Variants in FRYL observed in about 807,000 individuals in gnomAD.
FRYL encodes the protein protein furry homolog-like.
FRYL carries 150 observed loss-of-function variants against 351.2 expected under a neutral mutation model. The observed-to-expected ratio is 0.43, with a 90% CI of 0.37 to 0.49. The LOEUF is 0.49. Ranked by LOEUF, FRYL falls within the 20% of genes least tolerant of loss-of-function variation. FRYL has a pLI of 0.00. For missense variants in FRYL, 3,036 were observed against 3,619.3 expected, an observed-to-expected ratio of 0.84 and a Z score of 4.13; for synonymous variants, 1,153 against 1,257.1, an observed-to-expected ratio of 0.92 and a Z score of 1.75.
chr4:48,761,933 T>TA (rs1774461400), intron 1 of FRYL, among the ~76,000 whole-genome samples: 1 of 152,160 alleles, frequency 6.6e-6, no homozygotes, highest in African/African-American at 2.4e-5. Context: ...GCTACATCTC[T>TA]ACCCAAAGTG....
intron 53 of FRYL, among the ~76,000 whole-genome samples, chr4:48,524,587 T>C (rs1218941581): frequency 6.6e-6 from 1 of 152,170 alleles, no homozygotes; most frequent in Non-Finnish European, 1.5e-5. Context: ...CAAGACTATA[T>C]CCAGGTTTTA....
chr4:48,761,050 T>C (rs1774371930), intron 1 of FRYL, among the ~76,000 whole-genome samples: 1 of 145,404 alleles, frequency 6.9e-6, no homozygotes, highest in Non-Finnish European at 1.5e-5. Context: ...TGTGTGTGTG[T>C]TGAAGAGGAA....
chr4:48,560,500 T>C (rs1481393307), intron 33 of FRYL, among the ~76,000 whole-genome samples: 4 of 152,128 alleles, frequency 2.6e-5, no homozygotes, highest in African/African-American at 9.7e-5. Flanking sequence ...TCCTAGGCGA[T>C]GACATGACAT....
In FRYL at chr4:48,540,927, C is replaced by T; in HGVS notation, c.5721G>A (p.Lys1907=). 4 of 1,605,728 alleles carry T rather than the reference C, an allele frequency of 2.5e-6. No homozygotes were observed. Among genetic ancestry groups the T allele is most frequent in the Admixed American group, 3.4e-5 (2 of 59,610 alleles). Residue 1907 remains lysine (K), a synonymous_variant, in exon 46 of 64, where the codon AAG becomes AAA. Transcript: ENST00000358350. ...TSYHDPIMGN[K]YAANRKSTGQ... ...CAGTGCTTTTCCTGTTAGCTGCATA[C>T]TTGTTTCCCATTATAGGATCATGAT...
At chr4:48,568,812 G>T (rs917372941) in intron 27 of FRYL, among the ~76,000 whole-genome samples, 1 of 152,052 alleles carries the variant, frequency 6.6e-6, no homozygotes, top group African/African-American at 2.4e-5. Context: ...TAGTGGATAG[G>T]AAACTGATTT....
At chr4:48,570,766 A>G (rs1235711350) in intron 27 of FRYL, 61 bp downstream of exon 27, 11 of 1,243,208 alleles carry the variant, frequency 8.8e-6, no homozygotes, top group Non-Finnish European at 1.3e-5. Flanking sequence ...TTCATGAGCG[A>G]AAAGAGATTA....
At chr4:48,734,206 G>A (rs1299025255) in intron 1 of FRYL, among the ~76,000 whole-genome samples, 1 of 152,026 alleles carries the variant, frequency 6.6e-6, no homozygotes, top group Non-Finnish European at 1.5e-5. Context: ...AAAAGTAAAT[G>A]GATAAAGAAA....
chr4:48,663,771 T>C (rs1761241846), intron 3 of FRYL, among the ~76,000 whole-genome samples: 1 of 27,190 alleles, frequency 3.7e-5, no homozygotes, highest in South Asian at 1.7e-3. Context: ...CGAGACTCCG[T>C]CTCAAAAAAA....
rs115727788 is a variant in FRYL, at chr4:48,699,386, A to G, written c.-204+11133T>C. ...TATCAAAAGTAAAAAATAGTGGGGG[A>G]TGGGAAAGAGATCATACTGTGACCA... On this transcript the variant is annotated intron_variant, in intron 2 of 63. Coordinates refer to ENST00000358350, the MANE Select transcript of FRYL (RefSeq NM_015030.2). Among the ~76,000 whole-genome samples the G allele has an allele frequency of 4.4e-3, 663 of 152,298 alleles. 8 individuals carry two copies. The highest frequency in any genetic ancestry group is 0.014 in the African/African-American group (598 of 41,568).
intron 7 of FRYL, among the ~76,000 whole-genome samples, chr4:48,614,711 G>A (rs1334572635): frequency 2.6e-5 from 2 of 77,834 alleles, no homozygotes; most frequent in Admixed American, 2.3e-4. Context: ...AACAGAGTGA[G>A]ACTCCATCTC....
At chr4:48,671,237 G>C (rs1578650906) in intron 3 of FRYL, among the ~76,000 whole-genome samples, 1 of 152,162 alleles carries the variant, frequency 6.6e-6, no homozygotes, top group East Asian at 1.9e-4. Context: ...CTTAAGAAGT[G>C]ATTAGACTAA....
chr4:48,760,529 TTTTG>T (rs376112258), intron 1 of FRYL, among the ~76,000 whole-genome samples: 89 of 152,286 alleles, frequency 5.8e-4, no homozygotes, highest in African/African-American at 1.9e-3. Context: ...CCTTGTGTTT[TTTTG>T]TTTGTTTGTT....
intron 1 of FRYL, among the ~76,000 whole-genome samples, chr4:48,747,156 C>T (rs1560348658): frequency 3.4e-5 from 1 of 29,158 alleles, no homozygotes; most frequent in Non-Finnish European, 7.9e-5. Context: ...AAATATATTT[C>T]CCCTATCCCC....
intron 55 of FRYL, among the ~76,000 whole-genome samples, chr4:48,517,092 A>G (rs571920302): frequency 5.0e-4 from 76 of 152,270 alleles, no homozygotes; most frequent in Admixed American, 1.4e-3. Flanking sequence ...ATATAGTAGG[A>G]TTATTTCTTA....
At chr4:48,773,576 GA>G (rs1386592971) in intron 1 of FRYL, among the ~76,000 whole-genome samples, 9 of 149,988 alleles carry the variant, frequency 6.0e-5, no homozygotes, top group East Asian at 2.0e-4. Context: ...TTTCATAGGG[GA>G]AAAAAAAAAT....
chr4:48,614,815 C>CTTTTTTTTTTT (rs369399363), intron 7 of FRYL, among the ~76,000 whole-genome samples: 3 of 67,930 alleles, frequency 4.4e-5, no homozygotes, highest in African/African-American at 1.8e-4. Context: ...AAGTTTAATG[C>CTTTTTTTTTTT]TTTTTTTTTT....
At chr4:48,541,969 A>G in intron 45 of FRYL, 58 bp downstream of exon 45, 1 of 1,116,704 alleles carries the variant, frequency 9.0e-7, no homozygotes, top group Non-Finnish European at 1.4e-6. Context: ...AGTTATAGCT[A>G]TATGTAGTTA....
At chr4:48,686,908 C>A (rs1462222597) in intron 2 of FRYL, among the ~76,000 whole-genome samples, 2 of 152,180 alleles carry the variant, frequency 1.3e-5, no homozygotes, top group Non-Finnish European at 2.9e-5. Flanking sequence ...CTATTTTCGA[C>A]TTTTCGCTTT....
At position 48,535,727 on chromosome 4, in the gene FRYL, T is replaced by C. The variant is rs746238060; in HGVS notation, c.6494A>G (p.Asn2165Ser). Reference protein sequence around the residue: ...TYSRDCSNWINVVCRYLHDSF... With the variant: ...TYSRDCSNWISVVCRYLHDSF... ...GTCATGCAGGTATCTGCACACGACA[T>C]TGATCCAGTTAGAACAGTCTCTGGA... is the stretch of plus-strand genomic sequence containing the variant. Residue 2165 changes from asparagine (N) to serine (S), a missense_variant, in exon 48 of 64, where the codon AAT (asparagine) becomes AGT (serine). Asn to Ser is a conservative substitution (Grantham distance 46). This residue lies in a region of FRYL where 1,987 missense variants were observed against 2,311.7 expected (regional missense o/e 0.86). Coordinates refer to ENST00000358350, the MANE Select transcript of FRYL (RefSeq NM_015030.2). 2.5e-6 allele frequency: 4 copies of C among 1,610,840 alleles called. No individual in the cohort carries two copies. The highest frequency in any genetic ancestry group is 4.5e-5 in the East Asian group (2 of 44,744).
Sources: allele counts gnomAD v4.1 joint callset (sites outside exome capture counted in the v4.1 genomes callset), GRCh38; gene constraint gnomAD v4.1.1; regional missense constraint gnomAD v4.1.1; transcripts MANE v1.5; gene names NCBI Gene and HGNC (gene_info 2026-07-23, HGNC 2026-07-21).